ATP2A3: variants seen among roughly 807,000 people sequenced by gnomAD.
ATP2A3 encodes ATPase sarcoplasmic/endoplasmic reticulum Ca2+ transporting 3, also known as sarcoplasmic/endoplasmic reticulum calcium ATPase 3.
In ATP2A3, 61 loss-of-function variants were observed where a neutral mutation model predicts 106.8. That is an observed-to-expected ratio of 0.57 (90% CI 0.46 to 0.71). The LOEUF (loss-of-function observed/expected upper bound fraction) is 0.71, where lower values mean the gene tolerates loss of function less well. Ranked by LOEUF, ATP2A3 falls within the 30% of genes least tolerant of loss-of-function variation. ATP2A3 has a pLI of 0.00. For synonymous variants in ATP2A3, 611 were observed against 609.3 expected, an observed-to-expected ratio of 1.00 and a Z score of -0.04; for missense variants, 1,201 against 1,423.5, an observed-to-expected ratio of 0.84 and a Z score of 2.52.
Position 3,925,383 on chromosome 17 carries a change from C to T in ATP2A3, c.*39G>A, listed in dbSNP as rs142490502. The T allele has an allele frequency of 1.3e-5, 21 of 1,613,878 alleles. No individual in the cohort carries two copies. In the African/African-American group the frequency reaches 2.7e-4, roughly 20 times the overall value. On this transcript the variant is annotated 3_prime_UTR_variant, in exon 21 of 21. Coordinates refer to ENST00000397041, the MANE Select transcript of ATP2A3 (RefSeq NM_005173.4). The surrounding 1 kb of genome is among the most constrained non-coding windows in gnomAD (Gnocchi z 4.2). ...AGGCGAACACATGGGCACCATCAGT[C>T]TGAGGTACACACCGGAGACTCCACT... is the stretch of plus-strand genomic sequence containing the variant.
intron 14 of ATP2A3, among the ~76,000 whole-genome samples, chr17:3,940,293 A>G (rs1480772062): frequency 2.6e-5 from 4 of 152,012 alleles, no homozygotes; most frequent in South Asian, 4.1e-4. Flanking sequence ...AGAACCACAA[A>G]CAACATTGCT....
At chr17:3,946,761 C>T (rs2054139574) in intron 8 of ATP2A3, among the ~76,000 whole-genome samples, 1 of 152,110 alleles carries the variant, frequency 6.6e-6, no homozygotes, top group Admixed American at 6.6e-5. Context: ...GACAGAGAGG[C>T]ACTGGGGACC....
At position 3,929,815 on chromosome 17, in the gene ATP2A3, C is replaced by A. The variant is rs1204764473; in HGVS notation, c.2745-370G>T. On this transcript the variant is annotated intron_variant, in intron 18 of 20. Transcript: ENST00000397041. The surrounding 1 kb of genome is among the most constrained non-coding windows in gnomAD (Gnocchi z 4.3). ...ATCCTGGACCCCGCTTGGCCCCAGA[C>A]CTTTGTTCTGGACCCCTCTAACTCC... Among the ~76,000 whole-genome samples the A allele has an allele frequency of 2.6e-5, 4 of 151,536 alleles. No individual in the cohort carries two copies. Among genetic ancestry groups the A allele is most frequent in the Admixed American group, 1.3e-4 (2 of 15,218 alleles).
At chr17:3,958,803 C>CACACACACACATATAT (rs1360510865) in intron 1 of ATP2A3, among the ~76,000 whole-genome samples, 8 of 116,096 alleles carry the variant, frequency 6.9e-5, no homozygotes, top group East Asian at 2.1e-4. Flanking sequence ...CATATATATA[C>CACACACACACATATAT]ACACATATAT....
At position 3,925,275 on chromosome 17, in the gene ATP2A3, GCCATTCTGA is replaced by G. The variant is rs1269630155; in HGVS notation, c.*138_*146del. ...GACCCCAGGACGGGGCCCGGGGATG[GCCATTCTGA>G]CCTCGGGCCTGTCATTTATCCGGCG... On this transcript the variant is annotated 3_prime_UTR_variant, in exon 21 of 21. Coordinates refer to ENST00000397041, the MANE Select transcript of ATP2A3 (RefSeq NM_005173.4). This position sits in a 1 kb window ranked among gnomAD's most constrained non-coding sequence, Gnocchi z 4.2. 4.3e-6 allele frequency: 6 copies of G among 1,380,350 alleles called. No individual in the cohort carries two copies. Among genetic ancestry groups the G allele is most frequent in the Admixed American group, 1.9e-5 (1 of 52,678 alleles). 85.5% of individuals were successfully genotyped at this position (1,380,350 alleles called of 1,614,324 possible).
intron 20 of ATP2A3, chr17:3,927,847 C>A (rs1434739692): frequency 7.8e-6 from 12 of 1,544,034 alleles, no homozygotes; most frequent in Non-Finnish European, 9.6e-6. Flanking sequence ...CACATTCCTG[C>A]CAGAGGTGGC....
intron 14 of ATP2A3, 57 bp downstream of exon 14, chr17:3,940,914 T>C: frequency 6.3e-7 from 1 of 1,591,606 alleles, no homozygotes; most frequent in Non-Finnish European, 8.6e-7. Flanking sequence ...CTTGCTCTTT[T>C]CACACCCCGT....
chr17:3,954,699 G>A (rs2054665122), intron 1 of ATP2A3, among the ~76,000 whole-genome samples: 1 of 152,042 alleles, frequency 6.6e-6, no homozygotes. Context: ...GTTTCACTAT[G>A]TTGGCCAGGG....
At position 3,941,314 on chromosome 17, in the gene ATP2A3, G is replaced by T; in HGVS notation, c.1765-8C>A. The T allele has an allele frequency of 6.2e-7, 1 of 1,613,664 alleles. No homozygotes were observed. Among genetic ancestry groups the T allele is most frequent in the Non-Finnish European group, 8.5e-7 (1 of 1,179,854 alleles). ...CACGAAGGTCAGGTCCGTCTGTAGG[G>T]AGGGGGCAGATTCAAGCGGGGCCTG... On this transcript the variant is annotated splice_region_variant and splice_polypyrimidine_tract_variant and intron_variant, in intron 13 of 20. Transcript: ENST00000397041.
rs55853018 is a variant in ATP2A3, at chr17:3,947,999, T to C, written c.631-144A>G. The C allele has an allele frequency of 1.0e-3, 804 of 776,276 alleles. 1 individual carries two copies. The highest frequency in any genetic ancestry group is 4.8e-3 in the Middle Eastern group (14 of 2,894). 48.1% of individuals were successfully genotyped at this position (776,276 alleles called of 1,614,324 possible). A position where few individuals can be genotyped will look rare whatever the true frequency, so the allele number is the denominator to read the frequency against. Reference sequence around the variant, plus strand: ...TGTTGCTAGTGCTTCCAGACTCCTGTAGCTATGTATGCACGGGGTCCCTGC... The same window carrying C: ...TGTTGCTAGTGCTTCCAGACTCCTGCAGCTATGTATGCACGGGGTCCCTGC... On this transcript the variant is annotated intron_variant, in intron 7 of 20. Coordinates refer to ENST00000397041, the MANE Select transcript of ATP2A3 (RefSeq NM_005173.4). This position sits in a 1 kb window ranked among gnomAD's most constrained non-coding sequence, Gnocchi z 7.7.
At chr17:3,960,951 C>A (rs547023536) in intron 1 of ATP2A3, among the ~76,000 whole-genome samples, 6 of 152,358 alleles carry the variant, frequency 3.9e-5, no homozygotes, top group African/African-American at 1.4e-4. Context: ...GCCAACAACA[C>A]AAGCGTCCAC....
intron 17 of ATP2A3, among the ~76,000 whole-genome samples, chr17:3,931,623 G>A (rs1022679033): frequency 2.6e-5 from 4 of 151,144 alleles, no homozygotes; most frequent in African/African-American, 4.9e-5. Context: ...CCGGGTTCAC[G>A]CCATTCTCCT....
Position 3,941,076 on chromosome 17 carries a change from C to A in ATP2A3, c.1995G>T (p.Gln665His). ...GREFDDLSPEQQRQACRTARC... is the reference protein window; with the variant it reads ...GREFDDLSPEHQRQACRTARC... ...GGGCGGTGCGGCAGGCCTGGCGCTG[C>A]TGCTCGGGGCTGAGGTCATCAAACT... Residue 665 changes from glutamine to histidine, a missense_variant, in exon 14 of 21, where the codon CAG (glutamine) becomes CAT (histidine). Around this residue, in one of 2 missense-constraint regions of ATP2A3, gnomAD observed 935 missense variants for 1,176.7 expected, o/e 0.79. Transcript: ENST00000397041. 6.2e-7 allele frequency: 1 copy of A among 1,613,588 alleles called. No individual in the cohort carries two copies. Among genetic ancestry groups the A allele is most frequent in the Non-Finnish European group, 8.5e-7 (1 of 1,179,666 alleles).
chr17:3,938,848 T>A (rs1385938405), intron 14 of ATP2A3, among the ~76,000 whole-genome samples: 1 of 152,120 alleles, frequency 6.6e-6, no homozygotes, highest in Non-Finnish European at 1.5e-5. Context: ...AGACTGGAAT[T>A]CATATCAGGG....
At chr17:3,961,314 C>A (rs1251947790) in intron 1 of ATP2A3, among the ~76,000 whole-genome samples, 11 of 152,236 alleles carry the variant, frequency 7.2e-5, no homozygotes, top group Non-Finnish European at 1.5e-5. Flanking sequence ...CCCAAGGAAG[C>A]TGAACTCTGG....
intron 1 of ATP2A3, among the ~76,000 whole-genome samples, chr17:3,957,898 T>A (rs1296425000): frequency 6.6e-6 from 1 of 152,198 alleles, no homozygotes; most frequent in African/African-American, 2.4e-5. Flanking sequence ...CCGCTCTCTC[T>A]GAGAGCCACA....
Position 3,953,369 on chromosome 17 carries a change from A to C in ATP2A3, c.197T>G (p.Leu66Arg). ...TACAAAGGAGACAAGGGCAGCCAGC[A>C]GCAGGATGCGCACCAGGAGGTCCTC... Reference protein sequence around the residue: ...QFEDLLVRILLLAALVSFVLA... With the variant: ...QFEDLLVRILRLAALVSFVLA... Residue 66 changes from leucine (L) to arginine (R), a missense_variant, in exon 3 of 21, where the codon CTG (leucine) becomes CGG (arginine). By Grantham distance (102) the Leu-to-Arg change is moderately radical (BLOSUM62 -2). Around this residue, in one of 2 missense-constraint regions of ATP2A3, gnomAD observed 266 missense variants for 246.8 expected, o/e 1.08. Transcript: ENST00000397041. This position sits in a 1 kb window ranked among gnomAD's most constrained non-coding sequence, Gnocchi z 5.1. 6.2e-7 allele frequency: 1 copy of C among 1,614,080 alleles called. No homozygotes were observed. Among genetic ancestry groups the C allele is most frequent in the Non-Finnish European group, 8.5e-7 (1 of 1,180,014 alleles).
intron 9 of ATP2A3, 29 bp from the exon 10 acceptor site, chr17:3,944,835 A>C (rs1297244972): frequency 6.3e-7 from 1 of 1,585,276 alleles, no homozygotes; most frequent in African/African-American, 1.4e-5. Flanking sequence ...CACCAGGAGG[A>C]CCTCGGCTCC....
chr17:3,951,551 C>CCGCCCGGTCCCA, intron 4 of ATP2A3, 30 bp downstream of exon 4: 6 of 1,341,318 alleles, frequency 4.5e-6, no homozygotes, highest in Non-Finnish European at 5.2e-6. Flanking sequence ...AGACCGCCCC[C>CCGCCCGGTCCCA]CGCCCGGTCC....
Sources: allele counts gnomAD v4.1 joint callset (sites outside exome capture counted in the v4.1 genomes callset), GRCh38; gene constraint gnomAD v4.1.1; regional missense constraint gnomAD v4.1.1; non-coding constraint Gnocchi (gnomAD v3.1); transcripts MANE v1.5; gene names NCBI Gene and HGNC (gene_info 2026-07-23, HGNC 2026-07-21).